TNRC6C: variants seen among roughly 807,000 people sequenced by gnomAD.
TNRC6C encodes the protein trinucleotide repeat-containing gene 6C protein.
Under a neutral mutation model 153.7 loss-of-function variants are expected in TNRC6C, and 20 were observed. The observed-to-expected ratio is 0.13, with a 90% CI of 0.09 to 0.19. TNRC6C has a LOEUF of 0.19. TNRC6C is among the 10% of genes least tolerant of loss of function. TNRC6C has a pLI of 1.00. For missense variants in TNRC6C, 1,987 were observed against 2,172.0 expected, an observed-to-expected ratio of 0.91 and a Z score of 1.69; for synonymous variants, 811 against 841.4, an observed-to-expected ratio of 0.96 and a Z score of 0.63.
chr17:77,975,599 A>G (rs544516837), intron 1 of TNRC6C, among the ~76,000 whole-genome samples: 3 of 152,256 alleles, frequency 2.0e-5, no homozygotes, highest in African/African-American at 7.2e-5. Context: ...TTAATCAAAC[A>G]TTTTTCTTTT....
exon 3 of TNRC6C, chr17:78,050,545 G>A: frequency 1.9e-6 from 3 of 1,613,688 alleles, no homozygotes; most frequent in Non-Finnish European, 2.5e-6. Context: ...GAAGAACGAT[G>A]GGTCCATCAT....
At chr17:77,983,399 C>G (rs2071109721) in intron 1 of TNRC6C, among the ~76,000 whole-genome samples, 1 of 152,132 alleles carries the variant, frequency 6.6e-6, no homozygotes, top group Admixed American at 6.5e-5. Flanking sequence ...ATTACCAAGG[C>G]AAAATGGGGT....
At chr17:78,031,493 C>T in intron 1 of TNRC6C, 23 bp from the exon 4 acceptor site, 2 of 1,231,924 alleles carry the variant, frequency 1.6e-6, no homozygotes, top group Non-Finnish European at 2.0e-6. Flanking sequence ...GTTTTGGGTT[C>T]TTTTGCCTTT....
At chr17:78,029,768 TTTAA>T (rs1166505882) in intron 1 of TNRC6C, among the ~76,000 whole-genome samples, 2 of 151,168 alleles carry the variant, frequency 1.3e-5, no homozygotes. Context: ...CTTTTCTGTG[TTTAA>T]TTTTTTTTTT....
rs1047929186 is a variant in TNRC6C, at chr17:78,075,684, C to G, written c.3060+406C>G. Among the ~76,000 whole-genome samples the G allele has an allele frequency of 2.6e-5, 4 of 152,192 alleles. No individual in the cohort carries two copies. The highest frequency in any genetic ancestry group is 1.3e-4 in the Admixed American group (2 of 15,276). ...AGTGGTGGGGCTTGGGCACCCATCT[C>G]TGGCTGGCCCTTGTCAGTTGGCCAC... On this transcript the variant is annotated intron_variant, in intron 8 of 19. Coordinates refer to ENST00000301624, the Ensembl canonical transcript of TNRC6C. The surrounding 1 kb of genome is among the most constrained non-coding windows in gnomAD (Gnocchi z 4.2).
rs60316098 is a variant in TNRC6C, at chr17:77,971,867, T to TA, written c.-38+12614dup. Among the ~76,000 whole-genome samples, 115 of 142,544 alleles carry TA rather than the reference T, an allele frequency of 8.1e-4. 1 individual carries two copies. Among genetic ancestry groups the TA allele is most frequent in the Middle Eastern group, 3.7e-3 (1 of 268 alleles). The allele number at this position is 142,544 out of a possible 152,430, so 93.5% of individuals were successfully genotyped here. On this transcript the variant is annotated intron_variant, in intron 1 of 22. Transcript: ENST00000636222. ...AATTAGAAGATATTTTTAAGTGAGTTAAAAAAAAAAAAAAAGAACATGTCA... is the reference window on the plus strand; with the variant it reads ...AATTAGAAGATATTTTTAAGTGAGTTAAAAAAAAAAAAAAAAGAACATGTCA...
chr17:78,093,700 C>T (rs2144577251), exon 16 of TNRC6C: 2 of 1,613,880 alleles, frequency 1.2e-6, no homozygotes, highest in African/African-American at 1.3e-5. Flanking sequence ...TGGCAGTGTC[C>T]CCACTGGGCC....
intron 13 of TNRC6C, among the ~76,000 whole-genome samples, chr17:78,089,168 A>G (rs940332445): frequency 1.3e-5 from 2 of 151,752 alleles, no homozygotes; most frequent in South Asian, 2.1e-4. Context: ...GGGTTTCACC[A>G]TGTTGGCCAG....
chr17:78,017,037 T>C (rs2071741603), intron 1 of TNRC6C, among the ~76,000 whole-genome samples: 1 of 152,118 alleles, frequency 6.6e-6, no homozygotes, highest in South Asian at 2.1e-4. Flanking sequence ...GAGAAGTGTA[T>C]GGAACTGATA....
intron 15 of TNRC6C, chr17:78,093,404 T>A (rs2144574629): frequency 2.9e-6 from 2 of 692,610 alleles, no homozygotes; most frequent in East Asian, 5.4e-5. Context: ...ATTCCAACCC[T>A]GTGTGAAAAC....
At chr17:78,101,051 C>T (rs2073584733) in intron 17 of TNRC6C, among the ~76,000 whole-genome samples, 1 of 152,178 alleles carries the variant, frequency 6.6e-6, no homozygotes, top group Non-Finnish European at 1.5e-5. Context: ...GCTGGGATTA[C>T]AGGCGTGAGC....
chr17:78,050,571 C>T (rs1033558365), exon 3 of TNRC6C: 1 of 1,607,624 alleles, frequency 6.2e-7, no homozygotes, highest in East Asian at 2.2e-5. Context: ...GTACAAATAC[C>T]TCTTCAGTAT....
chr17:78,049,585 C>A lies in TNRC6C; in HGVS notation c.523C>A (p.Gln175Lys), dbSNP rs752508426. The A allele has an allele frequency of 6.2e-7, 1 of 1,614,000 alleles. No individual in the cohort carries two copies. The highest frequency in any genetic ancestry group is 8.5e-7 in the Non-Finnish European group (1 of 1,179,894). ...TTCTCAGAATGTGTCTTTCAGCGCA[C>A]AACCTCAGAACCTTAACACTGATGG... is the stretch of plus-strand genomic sequence containing the variant. The change falls in exon 3 of 20, where the codon CAA becomes AAA. Residue 175 changes from glutamine (Q) to lysine (K), a missense_variant. By Grantham distance (53) the Gln-to-Lys change is moderately conservative. This residue lies in a region of TNRC6C where 1,052 missense variants were observed against 1,017.0 expected (regional missense o/e 1.03). Coordinates refer to ENST00000301624, the Ensembl canonical transcript of TNRC6C. This position sits in a 1 kb window ranked among gnomAD's most constrained non-coding sequence, Gnocchi z 4.1.
chr17:77,997,844 C>T (rs556825293), intron 1 of TNRC6C, among the ~76,000 whole-genome samples: 209 of 151,832 alleles, frequency 1.4e-3, no homozygotes, highest in Admixed American at 2.7e-3. Context: ...TTAGTAGAGA[C>T]GGGGTTTCAC....
chr17:78,104,680 G>A lies in TNRC6C; in HGVS notation c.4908G>A (p.Pro1636=), dbSNP rs947611765. 3.6e-5 allele frequency: 55 copies of A among 1,541,936 alleles called. No individual in the cohort carries two copies. Among genetic ancestry groups the A allele is most frequent in the African/African-American group, 9.6e-5 (7 of 72,882 alleles). ...GCGACGCTGGCCACTGGAACGCCCC[G>A]TGCCTGGGTGGCAAGGGGAGCAGTG... Residue 1636 remains proline, a synonymous_variant, in exon 20 of 20, where the codon CCG becomes CCA. Coordinates refer to ENST00000301624, the Ensembl canonical transcript of TNRC6C. This position sits in a 1 kb window ranked among gnomAD's most constrained non-coding sequence, Gnocchi z 6.2.
At chr17:77,966,632 G>T (rs897463273) in intron 1 of TNRC6C, among the ~76,000 whole-genome samples, 5 of 152,172 alleles carry the variant, frequency 3.3e-5, no homozygotes, top group African/African-American at 1.2e-4. Context: ...TGACACACAA[G>T]ATAGTAGTTT....
chr17:78,036,014 A>G (rs2072171822), intron 2 of TNRC6C, among the ~76,000 whole-genome samples: 1 of 152,140 alleles, frequency 6.6e-6, no homozygotes, highest in African/African-American at 2.4e-5. Flanking sequence ...ACATTTCTCT[A>G]ACTTGTAAGG....
chr17:77,991,803 G>A (rs1048480489), intron 1 of TNRC6C, among the ~76,000 whole-genome samples: 2 of 152,230 alleles, frequency 1.3e-5, no homozygotes, highest in African/African-American at 2.4e-5. Context: ...GCATACGGCT[G>A]TCACTTTTGG....
chr17:78,021,864 C>T, intron 1 of TNRC6C, among the ~76,000 whole-genome samples: 1 of 152,200 alleles, frequency 6.6e-6, no homozygotes, highest in East Asian at 1.9e-4. Context: ...GCCACCATGC[C>T]TGGTCTATTT....
Sources: allele counts gnomAD v4.1 joint callset (sites outside exome capture counted in the v4.1 genomes callset), GRCh38; gene constraint gnomAD v4.1.1; regional missense constraint gnomAD v4.1.1; non-coding constraint Gnocchi (gnomAD v3.1); transcripts MANE v1.5; gene names NCBI Gene and HGNC (gene_info 2026-07-23, HGNC 2026-07-21).